SHANK2: variants seen among roughly 807,000 people sequenced by gnomAD.
SHANK2 encodes SH3 and multiple ankyrin repeat domains protein 2.
Under a neutral mutation model 133.7 loss-of-function variants are expected in SHANK2, and 43 were observed. The observed-to-expected ratio is 0.32, with a 90% CI of 0.25 to 0.41. SHANK2 has a LOEUF of 0.41. SHANK2 is among the 10% of genes least tolerant of loss of function. The pLI, the probability that SHANK2 is intolerant of heterozygous loss-of-function variation, is 1.00. For synonymous variants in SHANK2, 1,017 were observed against 952.8 expected (o/e 1.07, Z -1.24); for missense variants, 1,994 against 2,235.8 (o/e 0.89, Z 2.18).
chr11:70,843,380 G>C (rs1948945045), intron 11 of SHANK2, among the ~76,000 whole-genome samples: 1 of 151,940 alleles, frequency 6.6e-6, no homozygotes, highest in Non-Finnish European at 1.5e-5. Flanking sequence ...AGCAAGTCTT[G>C]GTGGCTTTTG....
At chr11:70,744,690 AG>A (rs1946602042) in intron 14 of SHANK2, among the ~76,000 whole-genome samples, 2 of 152,272 alleles carry the variant, frequency 1.3e-5, no homozygotes, top group South Asian at 4.1e-4. Flanking sequence ...CCGAAGTGCC[AG>A]CGTTTCTCCA....
intron 4 of SHANK2, among the ~76,000 whole-genome samples, chr11:71,114,787 G>A (rs1021586492): frequency 3.3e-5 from 5 of 152,178 alleles, no homozygotes; most frequent in African/African-American, 1.2e-4. Flanking sequence ...CACTGAGAAT[G>A]ATGCCAGGTG....
At chr11:70,718,257 G>A (rs1490634191) in intron 14 of SHANK2, among the ~76,000 whole-genome samples, 1 of 152,236 alleles carries the variant, frequency 6.6e-6, no homozygotes, top group Non-Finnish European at 1.5e-5. Context: ...GCAAGGCTTG[G>A]TGTTTCCTCG....
chr11:70,918,484 A>G (rs1361278945), intron 10 of SHANK2, among the ~76,000 whole-genome samples: 2 of 152,174 alleles, frequency 1.3e-5, no homozygotes, highest in Non-Finnish European at 2.9e-5. Context: ...CAAAGTCTAC[A>G]TGGATATCCT....
chr11:71,176,946 G>GA (rs1340354735), intron 2 of SHANK2, among the ~76,000 whole-genome samples: 1 of 151,988 alleles, frequency 6.6e-6, no homozygotes, highest in African/African-American at 2.4e-5. Context: ...CAAAGATAAA[G>GA]AAAAAATCTT....
chr11:70,728,744 AC>A (rs781932205), intron 14 of SHANK2, among the ~76,000 whole-genome samples: 4 of 152,340 alleles, frequency 2.6e-5, no homozygotes, highest in East Asian at 1.9e-4. Flanking sequence ...TTAAAGAAAA[AC>A]AAAAAACCAG....
chr11:70,752,920 C>A (rs1946786507), intron 14 of SHANK2, among the ~76,000 whole-genome samples: 1 of 151,882 alleles, frequency 6.6e-6, no homozygotes. Flanking sequence ...TTGAGACCAG[C>A]CTGGCTAATA....
intron 11 of SHANK2, among the ~76,000 whole-genome samples, chr11:70,872,655 G>C (rs1039683215): frequency 6.6e-6 from 1 of 152,104 alleles, no homozygotes; most frequent in South Asian, 2.1e-4. Context: ...CGTGGAATGA[G>C]AGATGGGTCC....
chr11:71,062,705 C>T (rs1230262179), intron 9 of SHANK2, among the ~76,000 whole-genome samples: 9 of 152,030 alleles, frequency 5.9e-5, no homozygotes, highest in African/African-American at 2.2e-4. Flanking sequence ...CTGAAAATTC[C>T]CTATTATAGG....
At chr11:70,654,957 CG>C (rs1156705869) in intron 17 of SHANK2, among the ~76,000 whole-genome samples, 6 of 151,954 alleles carry the variant, frequency 3.9e-5, no homozygotes, top group Non-Finnish European at 7.4e-5. Context: ...TTAGTAGAGA[CG>C]GGGTTTCATC....
intron 2 of SHANK2, among the ~76,000 whole-genome samples, chr11:71,160,151 G>A (rs1555109681): frequency 6.6e-6 from 1 of 152,118 alleles, no homozygotes; most frequent in Non-Finnish European, 1.5e-5. Context: ...ACATCCCAAA[G>A]GTACCAGGAA....
At chr11:70,681,003 G>A (rs1457431513) in intron 15 of SHANK2, among the ~76,000 whole-genome samples, 1 of 152,154 alleles carries the variant, frequency 6.6e-6, no homozygotes, top group African/African-American at 2.4e-5. Context: ...CAGACCACAG[G>A]CCAGTACCCA....
At chr11:70,573,857 C>T (rs1033969253) in intron 17 of SHANK2, among the ~76,000 whole-genome samples, 12 of 152,234 alleles carry the variant, frequency 7.9e-5, no homozygotes, top group Non-Finnish European at 1.2e-4. Context: ...GGCACACTTA[C>T]CATCCTGGTG....
At chr11:70,820,336 C>T in intron 12 of SHANK2, 28 bp downstream of exon 12, 2 of 600,602 alleles carry the variant, frequency 3.3e-6, no homozygotes, top group South Asian at 4.2e-5. Flanking sequence ...TGGCGGTCTT[C>T]CTTCCCTTGG....
chr11:71,117,988 TTGTAG>T (rs1422099445), intron 4 of SHANK2, among the ~76,000 whole-genome samples: 1 of 152,160 alleles, frequency 6.6e-6, no homozygotes, highest in Non-Finnish European at 1.5e-5. Flanking sequence ...GCCCTTAAAC[TTGTAG>T]TTAGTGTCAG....
intron 13 of SHANK2, among the ~76,000 whole-genome samples, chr11:70,805,295 A>G (rs1040171252): frequency 4.6e-5 from 7 of 152,182 alleles, no homozygotes; most frequent in Admixed American, 4.6e-4. Flanking sequence ...GGACAAGAAG[A>G]CCGTGTGTCC....
At chr11:70,626,737 C>T (rs1259702366) in intron 17 of SHANK2, among the ~76,000 whole-genome samples, 7 of 152,340 alleles carry the variant, frequency 4.6e-5, no homozygotes, top group African/African-American at 1.7e-4. Flanking sequence ...TGTAGCAGCC[C>T]TGAAAGGTCC....
At chr11:70,713,871 T>A (rs1287234008) in intron 14 of SHANK2, among the ~76,000 whole-genome samples, 1 of 152,236 alleles carries the variant, frequency 6.6e-6, no homozygotes, top group East Asian at 1.9e-4. Flanking sequence ...TGGCCTCTGC[T>A]GTACAGGTGA....
intron 14 of SHANK2, among the ~76,000 whole-genome samples, chr11:70,742,072 G>A (rs1555034888): frequency 1.3e-5 from 2 of 152,140 alleles, no homozygotes; most frequent in Non-Finnish European, 2.9e-5. Flanking sequence ...CACTCACAAG[G>A]CAAAACATTA....
Sources: allele counts gnomAD v4.1 joint callset (sites outside exome capture counted in the v4.1 genomes callset), GRCh38; gene constraint gnomAD v4.1.1; transcripts MANE v1.5; gene names NCBI Gene and HGNC (gene_info 2026-07-23, HGNC 2026-07-21).